ZNF569: variants seen among roughly 807,000 people sequenced by gnomAD.
ZNF569 encodes zinc finger protein 569, also known as DNA-binding protein.
A neutral mutation model predicts 56.3 loss-of-function variants in ZNF569; 38 were observed. That is an observed-to-expected ratio of 0.68 (90% confidence interval 0.52 to 0.88). The LOEUF is 0.88. Among genes scored for constraint, ZNF569 ranks in the 40% least tolerant of loss-of-function variants. The pLI, the probability that ZNF569 is intolerant of heterozygous loss-of-function variation, is 0.00. For synonymous variants in ZNF569, 241 were observed against 262.9 expected (o/e 0.92, Z 0.81); for missense variants, 666 against 809.2 (o/e 0.82, Z 2.15).
At chr19:37,468,611 T>G (rs2041893038), upstream of ZNF569, among the ~76,000 whole-genome samples, 1 of 152,182 alleles carries the variant, frequency 6.6e-6, no homozygotes, top group Non-Finnish European at 1.5e-5. Context: ...GTTCAGGCAA[T>G]TTTTCTGCCT....
chr19:37,442,871 G>A (rs2041428953), intron 3 of ZNF569, among the ~76,000 whole-genome samples: 1 of 152,196 alleles, frequency 6.6e-6, no homozygotes, highest in African/African-American at 2.4e-5. Context: ...AATTTATGGT[G>A]ATAAAAGTTG....
intron 2 of ZNF569, among the ~76,000 whole-genome samples, chr19:37,456,498 C>T (rs2041672689): frequency 6.6e-6 from 1 of 152,132 alleles, no homozygotes; most frequent in Admixed American, 6.6e-5. Flanking sequence ...GAAGCTCCCA[C>T]TTATGTTAGT....
At chr19:37,416,391 A>G (rs2040933093) in intron 5 of ZNF569, among the ~76,000 whole-genome samples, 1 of 152,150 alleles carries the variant, frequency 6.6e-6, no homozygotes, top group Admixed American at 6.5e-5. Context: ...ATATGAATTG[A>G]TATTTATTTT....
intron 5 of ZNF569, among the ~76,000 whole-genome samples, chr19:37,419,737 T>C (rs1474228505): frequency 3.3e-5 from 5 of 151,956 alleles, no homozygotes; most frequent in African/African-American, 1.2e-4. Flanking sequence ...AAAAAAAATT[T>C]AATACTATAT....
rs2041124254 is a variant in ZNF569, at chr19:37,425,958, G to C, written c.148C>G (p.Pro50Ala). The change falls in exon 5 of 6, where the codon CCG becomes GCG. Residue 50 changes from proline to alanine, a missense_variant. Physicochemically the swap from Pro to Ala is conservative, Grantham distance 27. Transcript: ENST00000316950. ...NYNNLITVGY[P>A]FTKPDVIFKL... Reference sequence around the variant, plus strand: ...AAAATCACATCAGGTTTGGTGAACGGATAGCCTGTCAAAGGGAAGTTACAT... The same window carrying C: ...AAAATCACATCAGGTTTGGTGAACGCATAGCCTGTCAAAGGGAAGTTACAT... 6 of 1,613,704 alleles carry C rather than the reference G, an allele frequency of 3.7e-6. No homozygotes were observed. The highest frequency in any genetic ancestry group is 1.7e-5 in the Admixed American group (1 of 59,972).
chr19:37,451,535 A>T (rs1370995521), intron 2 of ZNF569, among the ~76,000 whole-genome samples: 1 of 152,046 alleles, frequency 6.6e-6, no homozygotes, highest in African/African-American at 2.4e-5. Flanking sequence ...GTGGGGTATT[A>T]AAGTCTCCTA....
intron 2 of ZNF569, among the ~76,000 whole-genome samples, chr19:37,459,548 C>T (rs1284332986): frequency 6.6e-5 from 10 of 150,520 alleles, no homozygotes; most frequent in African/African-American, 2.2e-4. Flanking sequence ...CACCAGCAGA[C>T]CTACCCTGTA....
intron 2 of ZNF569, among the ~76,000 whole-genome samples, chr19:37,461,402 G>A (rs1430451817): frequency 6.6e-6 from 1 of 151,496 alleles, no homozygotes; most frequent in African/African-American, 2.4e-5. Flanking sequence ...CGCCTCCTGG[G>A]TTCAAGCGAT....
intron 5 of ZNF569, among the ~76,000 whole-genome samples, chr19:37,423,613 A>C (rs534836145): frequency 6.6e-6 from 1 of 152,332 alleles, no homozygotes; most frequent in Non-Finnish European, 1.5e-5. Context: ...TACTTCAACG[A>C]GGAATAATCT....
Position 37,412,702 on chromosome 19 carries a change from A to G in ZNF569, c.1956T>C (p.His652=), listed in dbSNP as rs1472616238. The change falls in exon 6 of 6, where the codon CAT becomes CAC. Residue 652 remains histidine (H), a synonymous_variant. Coordinates refer to ENST00000316950, the MANE Select transcript of ZNF569 (RefSeq NM_152484.3). ...AFSQISSLTL[H]MRKHTGEKPY... is the part of the protein sequence containing the mutation. ...GCTTCTCACCTGTATGTTTTCTCAT[A>G]TGAAGGGTAAGAGATGAGATTTGAG... 1 of 1,614,108 alleles carries G rather than the reference A, an allele frequency of 6.2e-7. No homozygotes were observed.
At chr19:37,444,775 G>T in intron 3 of ZNF569, 132 bp downstream of exon 3, 3 of 648,928 alleles carry the variant, frequency 4.6e-6, no homozygotes, top group Non-Finnish European at 5.0e-6. Context: ...AGTTTTAATC[G>T]TTCAACTCTA....
In ZNF569 at chr19:37,413,154, C is replaced by T; in HGVS notation, c.1504G>A (p.Ala502Thr). The T allele has an allele frequency of 6.2e-7, 1 of 1,608,210 alleles. No homozygotes were observed. The highest frequency in any genetic ancestry group is 8.5e-7 in the Non-Finnish European group (1 of 1,177,784). The change falls in exon 6 of 6, where the codon GCC (alanine) becomes ACC (threonine). Residue 502 changes from alanine to threonine, a missense_variant. Ala to Thr is a moderately conservative substitution (Grantham distance 58). Coordinates refer to ENST00000316950, the MANE Select transcript of ZNF569 (RefSeq NM_152484.3). ...ATGAAGTTTTGCTTTTGGCTGAAGG[C>T]TTTACCACATTCATTGCATTCATAG... ...KPYECNECGK[A>T]FSQKQNFITH...
intron 2 of ZNF569, among the ~76,000 whole-genome samples, chr19:37,449,477 A>G (rs910658262): frequency 6.6e-6 from 1 of 151,908 alleles, no homozygotes; most frequent in African/African-American, 2.4e-5. Flanking sequence ...GCGTGTGTCT[A>G]TTTCTCCTTT....
At chr19:37,434,352 ATAAC>A in intron 3 of ZNF569, among the ~76,000 whole-genome samples, 1 of 152,082 alleles carries the variant, frequency 6.6e-6, no homozygotes, top group Non-Finnish European at 1.5e-5. Flanking sequence ...AAATACATCA[ATAAC>A]TAAAACAATG....
At chr19:37,429,074 A>C (rs1307123326) in intron 3 of ZNF569, among the ~76,000 whole-genome samples, 1 of 152,234 alleles carries the variant, frequency 6.6e-6, no homozygotes, top group Admixed American at 6.5e-5. Context: ...GCAATACTAT[A>C]GCACCCACTG....
chr19:37,424,900 C>T (rs1239403024), intron 5 of ZNF569, among the ~76,000 whole-genome samples: 1 of 149,714 alleles, frequency 6.7e-6, no homozygotes, highest in Non-Finnish European at 1.5e-5. Context: ...GCAGGCAGAT[C>T]ACGAGGTCAG....
chr19:37,455,903 T>A (rs1310661128), intron 2 of ZNF569, among the ~76,000 whole-genome samples: 2 of 152,232 alleles, frequency 1.3e-5, no homozygotes, highest in Non-Finnish European at 2.9e-5. Context: ...CTATCTGGGA[T>A]CTAAAGTTGC....
intron 2 of ZNF569, among the ~76,000 whole-genome samples, chr19:37,452,568 T>G (rs749770597): frequency 1.3e-5 from 2 of 152,110 alleles, no homozygotes; most frequent in Non-Finnish European, 2.9e-5. Flanking sequence ...GTATTCCGGG[T>G]TGGCAGAGAT....
chr19:37,429,412 G>T (rs901198270), intron 3 of ZNF569, among the ~76,000 whole-genome samples: 1 of 152,226 alleles, frequency 6.6e-6, no homozygotes, highest in African/African-American at 2.4e-5. Flanking sequence ...GGAGCTACAG[G>T]ACCAGCCTTG....
Sources: allele counts gnomAD v4.1 joint callset (sites outside exome capture counted in the v4.1 genomes callset), GRCh38; gene constraint gnomAD v4.1.1; transcripts MANE v1.5; gene names NCBI Gene and HGNC (gene_info 2026-07-23, HGNC 2026-07-21).